Variants in GRID2 observed in about 807,000 individuals in gnomAD.
GRID2 encodes the protein glutamate ionotropic receptor delta type subunit 2.
Under a neutral mutation model 114.8 loss-of-function variants are expected in GRID2, and 33 were observed. The observed-to-expected ratio is 0.29, with a 90% CI of 0.22 to 0.38. The LOEUF (loss-of-function observed/expected upper bound fraction) is 0.38, where lower values mean the gene tolerates loss of function less well. GRID2 is among the 10% of genes least tolerant of loss of function. The pLI is 1.00. For synonymous variants in GRID2, 505 were observed against 449.9 expected (o/e 1.12, Z -1.55); for missense variants, 1,184 against 1,257.7 (o/e 0.94, Z 0.89).
intron 3 of GRID2, among the ~76,000 whole-genome samples, chr4:93,109,018 A>G (rs546209383): frequency 6.6e-6 from 1 of 152,328 alleles, no homozygotes; most frequent in Non-Finnish European, 1.5e-5. Context: ...TCTGATTCAC[A>G]TCAAAGTTTA....
intron 2 of GRID2, among the ~76,000 whole-genome samples, chr4:93,039,926 A>T (rs886904116): frequency 4.6e-5 from 7 of 152,214 alleles, no homozygotes; most frequent in African/African-American, 1.7e-4. Flanking sequence ...AAGTTGGGCT[A>T]CATAACTCAA....
chr4:93,533,287 TTCCTTCCTTCC>T (rs1731670296), intron 13 of GRID2, among the ~76,000 whole-genome samples: 1 of 142,328 alleles, frequency 7.0e-6, no homozygotes, highest in Non-Finnish European at 1.5e-5. Context: ...CCTTCCTTCC[TTCCTTCCTTCC>T]TTCCTTCCTT....
At chr4:93,780,704 T>G (rs974952844) in intron 1 of GRID2, among the ~76,000 whole-genome samples, 6 of 152,178 alleles carry the variant, frequency 3.9e-5, no homozygotes, top group African/African-American at 1.4e-4. Flanking sequence ...AGAGAGGTAC[T>G]GAAGCTGGGC....
chr4:92,377,234 C>T (rs926753187), intron 1 of GRID2, among the ~76,000 whole-genome samples: 6 of 152,036 alleles, frequency 3.9e-5, no homozygotes, highest in Non-Finnish European at 2.9e-5. Flanking sequence ...TGCCAGATAC[C>T]CAAAATCATC....
chr4:93,646,912 A>G (rs1301785067), intron 14 of GRID2, among the ~76,000 whole-genome samples: 1 of 152,198 alleles, frequency 6.6e-6, no homozygotes, highest in Non-Finnish European at 1.5e-5. Context: ...GCATGAACCC[A>G]AAGTAGGTTA....
chr4:93,752,823 C>T (rs1732439714), intron 14 of GRID2, among the ~76,000 whole-genome samples: 1 of 152,168 alleles, frequency 6.6e-6, no homozygotes, highest in Admixed American at 6.5e-5. Flanking sequence ...GTGTATCCTT[C>T]CATCTATCTG....
intron 8 of GRID2, among the ~76,000 whole-genome samples, chr4:93,343,814 G>A (rs1031298496): frequency 1.3e-5 from 2 of 152,002 alleles, no homozygotes; most frequent in Admixed American, 1.3e-4. Flanking sequence ...AGGTCATCGT[G>A]CAACATACAA....
At chr4:93,228,684 G>A (rs965501151) in intron 7 of GRID2, among the ~76,000 whole-genome samples, 31 of 152,284 alleles carry the variant, frequency 2.0e-4, no homozygotes, top group African/African-American at 7.5e-4. Flanking sequence ...TAGAGAGCTG[G>A]CAGGTATAAA....
At chr4:93,380,424 A>G (rs775704125) in intron 8 of GRID2, among the ~76,000 whole-genome samples, 1 of 151,306 alleles carries the variant, frequency 6.6e-6, no homozygotes, top group African/African-American at 2.4e-5. Context: ...ATGTTTAAGC[A>G]GATGACTTTG....
At chr4:92,398,119 C>T (rs1730597997) in intron 1 of GRID2, among the ~76,000 whole-genome samples, 1 of 151,956 alleles carries the variant, frequency 6.6e-6, no homozygotes, top group Non-Finnish European at 1.5e-5. Context: ...TTTGACTACT[C>T]CTAAAATGTT....
intron 2 of GRID2, among the ~76,000 whole-genome samples, chr4:92,775,304 G>T (rs904149002): frequency 6.6e-5 from 10 of 152,068 alleles, no homozygotes; most frequent in East Asian, 5.8e-4. Flanking sequence ...CAAGACATTC[G>T]CAGATCTGCA....
At chr4:93,273,507 A>C (rs1027746446) in intron 8 of GRID2, among the ~76,000 whole-genome samples, 2 of 151,732 alleles carry the variant, frequency 1.3e-5, no homozygotes, top group Admixed American at 1.3e-4. Context: ...AAACCTATGC[A>C]TATGTTACAT....
At chr4:93,765,610 A>T (rs1416044789) in intron 14 of GRID2, among the ~76,000 whole-genome samples, 2 of 143,984 alleles carry the variant, frequency 1.4e-5, no homozygotes, top group African/African-American at 5.1e-5. Context: ...GTGAGGTATT[A>T]TATATATATA....
At chr4:93,206,094 G>A (rs979219335) in intron 4 of GRID2, among the ~76,000 whole-genome samples, 1 of 151,598 alleles carries the variant, frequency 6.6e-6, no homozygotes, top group African/African-American at 2.4e-5. Flanking sequence ...AATTAAAAAT[G>A]ATAATAATAA....
intron 2 of GRID2, among the ~76,000 whole-genome samples, chr4:92,967,884 C>T (rs1301856139): frequency 6.6e-6 from 1 of 151,858 alleles, no homozygotes; most frequent in African/African-American, 2.4e-5. Flanking sequence ...GAAGTAATCT[C>T]TCCTTTCTCT....
chr4:93,165,979 T>A (rs1292999407), intron 4 of GRID2: 1 of 152,126 alleles, frequency 6.6e-6, no homozygotes, highest in African/African-American at 2.4e-5. Context: ...ATTAAAGGTG[T>A]TTTATCTTAA....
intron 14 of GRID2, among the ~76,000 whole-genome samples, chr4:93,674,355 G>A (rs1157394893): frequency 1.3e-5 from 2 of 152,026 alleles, no homozygotes; most frequent in Non-Finnish European, 2.9e-5. Flanking sequence ...TTTGAGTGCT[G>A]TATTTTTATG....
chr4:92,587,686 T>G (rs929142619), intron 1 of GRID2, among the ~76,000 whole-genome samples: 3 of 152,342 alleles, frequency 2.0e-5, no homozygotes, highest in Non-Finnish European at 4.4e-5. Context: ...TGCAGAAAGA[T>G]GAACTGTTTC....
chr4:93,312,570 A>G (rs548678547), intron 8 of GRID2, among the ~76,000 whole-genome samples: 4 of 152,256 alleles, frequency 2.6e-5, no homozygotes, highest in Middle Eastern at 3.4e-3. Context: ...TAAAATTTCA[A>G]CCCATCAAGG....
Sources: gnomAD v4.1 joint callset for allele counts (sites outside exome capture counted in the v4.1 genomes callset) on GRCh38, gnomAD v4.1.1 for gene constraint, MANE v1.5 for transcripts, NCBI Gene and HGNC (gene_info 2026-07-23, HGNC 2026-07-21) for gene names.